SLC9D1: variants seen among roughly 807,000 people sequenced by gnomAD.
SLC9D1 encodes solute carrier family 9 member D1, also known as putative LAG1-interacting protein.
chr13:113,522,433 C>G, the SLC9D1 span, among the ~76,000 whole-genome samples: 1 of 152,192 alleles, frequency 6.6e-6, no homozygotes, highest in African/African-American at 2.4e-5. Context: ...CTCCGCCTCC[C>G]AGCTTCACGC....
At chr13:113,536,649 C>A in the SLC9D1 span, 1 of 897,190 alleles carries the variant, frequency 1.1e-6, no homozygotes, top group Non-Finnish European at 1.3e-6. Context: ...GCTCTCTGGG[C>A]AGCCCTCACC....
At chr13:113,536,660 G>A in the SLC9D1 span, 7 of 775,704 alleles carry the variant, frequency 9.0e-6, no homozygotes, top group African/African-American at 3.8e-5. Context: ...AGCCCTCACC[G>A]TGCACCTGCT....
At chr13:113,544,890 A>G in the SLC9D1 span, among the ~76,000 whole-genome samples, 1 of 152,254 alleles carries the variant, frequency 6.6e-6, no homozygotes, top group Non-Finnish European at 1.5e-5. Flanking sequence ...GTTCGTCCAT[A>G]AAGCACGAAG....
At chr13:113,546,748 C>T in the SLC9D1 span, among the ~76,000 whole-genome samples, 22 of 152,296 alleles carry the variant, frequency 1.4e-4, no homozygotes, top group Middle Eastern at 3.4e-3. This position sits in a 1 kb window ranked among gnomAD's most constrained non-coding sequence, Gnocchi z 7.1. Context: ...CCAGCACCGC[C>T]GGCCCCTCTG....
chr13:113,539,231 C>T, the SLC9D1 span: 32 of 877,750 alleles, frequency 3.6e-5, no homozygotes, highest in African/African-American at 2.2e-4. The surrounding 1 kb of genome is among the most constrained non-coding windows in gnomAD (Gnocchi z 4.8). Flanking sequence ...GACACACACA[C>T]GCTCTGTTTG....
chr13:113,517,014 G>C, the SLC9D1 span, among the ~76,000 whole-genome samples: 1 of 152,328 alleles, frequency 6.6e-6, no homozygotes, highest in African/African-American at 2.4e-5. Flanking sequence ...TGAAACTCAG[G>C]TCTGCAAGAG....
the SLC9D1 span, among the ~76,000 whole-genome samples, chr13:113,524,657 A>G: frequency 1.3e-5 from 2 of 151,616 alleles, no homozygotes; most frequent in East Asian, 3.9e-4. Context: ...GTTTCTAGTA[A>G]TTTTCCTTGC....
chr13:113,534,427 C>T, the SLC9D1 span: 16 of 601,706 alleles, frequency 2.7e-5, no homozygotes, highest in African/African-American at 5.6e-5. Flanking sequence ...GAGCTAAACC[C>T]GTTTAACTGG....
chr13:113,548,210 G>T, the SLC9D1 span: 325 of 1,437,754 alleles, frequency 2.3e-4, 1 homozygote, highest in African/African-American at 4.2e-3. Context: ...CCATCGCAGC[G>T]TGCCTGTGGC....
chr13:113,503,775 A>G, the SLC9D1 span: 3 of 568,416 alleles, frequency 5.3e-6, no homozygotes, highest in Non-Finnish European at 9.3e-6. Flanking sequence ...TTGAAAGCGT[A>G]GAAATTCAGT....
chr13:113,522,404 G>A, the SLC9D1 span, among the ~76,000 whole-genome samples: 1 of 152,154 alleles, frequency 6.6e-6, no homozygotes, highest in African/African-American at 2.4e-5. Context: ...GCAGTGGCAC[G>A]ATCTGGGCTC....
the SLC9D1 span, chr13:113,549,591 T>C: frequency 6.2e-7 from 1 of 1,611,398 alleles, no homozygotes; most frequent in South Asian, 1.1e-5. Flanking sequence ...GAGTGAGCGC[T>C]TAGATGGCCA....
At chr13:113,547,141 G>A in the SLC9D1 span, 47 of 641,806 alleles carry the variant, frequency 7.3e-5, no homozygotes, top group Non-Finnish European at 1.1e-4. Context: ...GGAAAGGGGC[G>A]GCTTTTTAGC....
the SLC9D1 span, among the ~76,000 whole-genome samples, chr13:113,508,094 C>A: frequency 1.3e-5 from 2 of 152,252 alleles, no homozygotes; most frequent in Non-Finnish European, 2.9e-5. Context: ...GTGCCGTTTC[C>A]CACTGTGGTG....
chr13:113,522,326 T>A, the SLC9D1 span, among the ~76,000 whole-genome samples: 1 of 152,230 alleles, frequency 6.6e-6, no homozygotes, highest in Non-Finnish European at 1.5e-5. Context: ...ATTATGTAAT[T>A]TTTCTTTGTT....
the SLC9D1 span, among the ~76,000 whole-genome samples, chr13:113,537,166 C>A: frequency 2.0e-5 from 3 of 152,196 alleles, no homozygotes; most frequent in South Asian, 2.1e-4. Context: ...TATATGCCGG[C>A]AGATTTTTTT....
chr13:113,524,704 A>AT, the SLC9D1 span, among the ~76,000 whole-genome samples: 194 of 146,702 alleles, frequency 1.3e-3, 2 homozygotes, highest in African/African-American at 4.0e-3. Flanking sequence ...AAATAATATT[A>AT]TTTTTTTTTT....
the SLC9D1 span, chr13:113,547,447 G>T: frequency 3.8e-6 from 5 of 1,304,384 alleles, 1 homozygote; most frequent in South Asian, 4.7e-5. Flanking sequence ...TGTGGCCCTG[G>T]TTTCCAGTGG....
At chr13:113,517,016 C>G in the SLC9D1 span, among the ~76,000 whole-genome samples, 1 of 152,206 alleles carries the variant, frequency 6.6e-6, no homozygotes. Context: ...AAACTCAGGT[C>G]TGCAAGAGAA....
Sources: gnomAD v4.1 joint callset for allele counts (sites outside exome capture counted in the v4.1 genomes callset) on GRCh38, gnomAD v4.1.1 for gene constraint, Gnocchi (gnomAD v3.1) non-coding constraint, MANE v1.5 for transcripts, NCBI Gene and HGNC (gene_info 2026-07-23, HGNC 2026-07-21) for gene names.